The following GRM8 variants were observed in gnomAD, a reference collection of about 807,000 sequenced individuals.
GRM8 encodes metabotropic glutamate receptor 8.
GRM8 carries 47 observed loss-of-function variants against 87.2 expected under a neutral mutation model. The observed-to-expected ratio is 0.54, with a 90% CI of 0.43 to 0.69. The LOEUF is 0.69. Ranked by LOEUF, GRM8 falls within the 30% of genes least tolerant of loss-of-function variation. The pLI is 0.00. For synonymous variants in GRM8, 396 were observed against 404.5 expected (o/e 0.98, Z 0.25); for missense variants, 1,019 against 1,139.2 (o/e 0.89, Z 1.52).
At chr7:126,684,226 A>T (rs1278824762) in intron 7 of GRM8, among the ~76,000 whole-genome samples, 1 of 152,180 alleles carries the variant, frequency 6.6e-6, no homozygotes, top group African/African-American at 2.4e-5. Flanking sequence ...TCTGTTGAAG[A>T]GGAAGGCTAC....
rs116249314 is a variant in GRM8, at chr7:127,203,329, T to C, written c.510+39366A>G. Among the ~76,000 whole-genome samples, 1,330 of 152,264 alleles carry C rather than the reference T, an allele frequency of 8.7e-3. 24 individuals carry two copies. Among genetic ancestry groups the C allele is most frequent in the African/African-American group, 0.03 (1,259 of 41,550 alleles). On this transcript the variant is annotated intron_variant, in intron 2 of 10. Transcript: ENST00000339582. ...ACTACCTATTGGCTGCTATGCTCACTACCTGGATAACAGATTCAATCACAC... is the reference window on the plus strand; with the variant it reads ...ACTACCTATTGGCTGCTATGCTCACCACCTGGATAACAGATTCAATCACAC...
intron 7 of GRM8, among the ~76,000 whole-genome samples, chr7:126,616,701 C>T (rs1263114942): frequency 6.6e-6 from 1 of 152,128 alleles, no homozygotes; most frequent in Non-Finnish European, 1.5e-5. Context: ...GATATCACCA[C>T]CAATCCCACA....
At chr7:126,439,796 A>G (rs1801244273) in intron 10 of GRM8, among the ~76,000 whole-genome samples, 1 of 145,596 alleles carries the variant, frequency 6.9e-6, no homozygotes. Flanking sequence ...AGTGATATTG[A>G]TAATCCTGAC....
chr7:126,966,881 G>A (rs1809925510), intron 3 of GRM8, among the ~76,000 whole-genome samples: 1 of 152,176 alleles, frequency 6.6e-6, no homozygotes. Flanking sequence ...ATGGACAAAA[G>A]TCATGGGGCA....
chr7:126,444,185 C>G (rs1358265097), intron 10 of GRM8, among the ~76,000 whole-genome samples: 1 of 151,942 alleles, frequency 6.6e-6, no homozygotes, highest in Non-Finnish European at 1.5e-5. Flanking sequence ...TTATTGGCAT[C>G]CTATAATAGC....
rs566927801 is a variant in GRM8 at position 127,188,587 on chromosome 7, A to T, written c.510+54108T>A. ...TGTGCTTTATTATTTTGTACATAAG[A>T]TTGTTACTTTGTACATATACTACAT... is the stretch of plus-strand genomic sequence containing the variant. On this transcript the variant is annotated intron_variant, in intron 2 of 10. Coordinates refer to ENST00000339582, the MANE Select transcript of GRM8 (RefSeq NM_000845.3). Among the ~76,000 whole-genome samples the T allele has an allele frequency of 2.6e-5, 4 of 152,290 alleles. No individual in the cohort carries two copies. The South Asian group carries it at 8.3e-4, about 32-fold the overall frequency.
At chr7:126,515,485 A>T (rs1409338026) in intron 9 of GRM8, among the ~76,000 whole-genome samples, 1 of 152,102 alleles carries the variant, frequency 6.6e-6, no homozygotes, top group Non-Finnish European at 1.5e-5. Context: ...TAACAAAATT[A>T]CCAGAAACTC....
chr7:127,138,866 C>A (rs1828097988), intron 2 of GRM8, among the ~76,000 whole-genome samples: 1 of 152,066 alleles, frequency 6.6e-6, no homozygotes, highest in African/African-American at 2.4e-5. Context: ...AAAACAGAGT[C>A]CAATGCAATT....
At chr7:126,945,129 C>T (rs1807393751) in intron 3 of GRM8, among the ~76,000 whole-genome samples, 1 of 151,644 alleles carries the variant, frequency 6.6e-6, no homozygotes, top group South Asian at 2.1e-4. Context: ...TCTAGGGAAA[C>T]CCTGACAAAG....
intron 3 of GRM8, among the ~76,000 whole-genome samples, chr7:126,923,397 C>T (rs1448521496): frequency 6.6e-6 from 1 of 152,178 alleles, no homozygotes; most frequent in Admixed American, 6.5e-5. Flanking sequence ...GTCAAAGGTT[C>T]TTTTCAGATA....
rs576536664 is a variant in GRM8, at chr7:126,867,634, C to G, written c.1156+34908G>C. ...GGAGGAAGAGAGAAAACGATCCTAT[C>G]AAAACGGTCAGTTGGAACAAAAAAT... On this transcript the variant is annotated intron_variant, in intron 6 of 10. Coordinates refer to ENST00000339582, the MANE Select transcript of GRM8 (RefSeq NM_000845.3). Among the ~76,000 whole-genome samples, 16 of 152,094 alleles carry G rather than the reference C, an allele frequency of 1.1e-4. No individual in the cohort carries two copies. In the South Asian group the frequency reaches 3.3e-3, roughly 32 times the overall value.
intron 6 of GRM8, among the ~76,000 whole-genome samples, chr7:126,784,671 T>C (rs1488277267): frequency 6.6e-6 from 1 of 152,148 alleles, no homozygotes; most frequent in Admixed American, 6.6e-5. Flanking sequence ...CCTACCACCA[T>C]GCTAGACAAG....
At chr7:126,590,378 G>T (rs891933756) in intron 8 of GRM8, among the ~76,000 whole-genome samples, 1 of 151,858 alleles carries the variant, frequency 6.6e-6, no homozygotes, top group Admixed American at 6.6e-5. Flanking sequence ...AGAAGTTTGG[G>T]ATTATGTTAA....
At chr7:126,927,930 T>A (rs1002912311) in intron 3 of GRM8, among the ~76,000 whole-genome samples, 5 of 152,188 alleles carry the variant, frequency 3.3e-5, no homozygotes, top group African/African-American at 1.2e-4. Flanking sequence ...ATGTTTATTG[T>A]GGCACTGTTC....
intron 9 of GRM8, among the ~76,000 whole-genome samples, chr7:126,458,951 C>T (rs1244859368): frequency 6.7e-6 from 1 of 149,646 alleles, no homozygotes; most frequent in Non-Finnish European, 1.5e-5. Flanking sequence ...TCCAAAATGG[C>T]AATCTTAGGA....
chr7:127,125,801 A>AC (rs1563529799), intron 2 of GRM8, among the ~76,000 whole-genome samples: 5 of 68,748 alleles, frequency 7.3e-5, no homozygotes, highest in Non-Finnish European at 1.6e-4. Context: ...CACACACACA[A>AC]ATAACTATTA....
chr7:126,988,413 T>G (rs563721441), intron 3 of GRM8, among the ~76,000 whole-genome samples: 27 of 152,356 alleles, frequency 1.8e-4, no homozygotes, highest in African/African-American at 5.5e-4. Flanking sequence ...TTCTAAAATG[T>G]CTCCTATTTT....
intron 8 of GRM8, among the ~76,000 whole-genome samples, chr7:126,565,679 G>C (rs1006546311): frequency 1.3e-5 from 2 of 151,830 alleles, no homozygotes; most frequent in Admixed American, 1.3e-4. Flanking sequence ...CATAGAAGTA[G>C]AAAAAATCCT....
chr7:127,114,199 G>C (rs1193976196), intron 2 of GRM8, among the ~76,000 whole-genome samples: 1 of 152,136 alleles, frequency 6.6e-6, no homozygotes, highest in African/African-American at 2.4e-5. Flanking sequence ...TTCAGTCTCT[G>C]ACCTTTTCTT....
Sources: allele counts gnomAD v4.1 joint callset (sites outside exome capture counted in the v4.1 genomes callset), GRCh38; gene constraint gnomAD v4.1.1; transcripts MANE v1.5; gene names NCBI Gene and HGNC (gene_info 2026-07-23, HGNC 2026-07-21).